The following DLC1 variants were observed in gnomAD, a reference collection of about 807,000 sequenced individuals.
The protein encoded by DLC1 is rho GTPase-activating protein 7.
A neutral mutation model predicts 140.3 loss-of-function variants in DLC1; 54 were observed. That is an observed-to-expected ratio of 0.38 (90% CI 0.31 to 0.48). DLC1 has a LOEUF of 0.48. Among genes scored for constraint, DLC1 ranks in the 20% least tolerant of loss-of-function variants. The pLI, the probability that DLC1 is intolerant of heterozygous loss-of-function variation, is 0.96. For missense variants in DLC1, 2,536 were observed against 1,907.0 expected, an observed-to-expected ratio of 1.33 and a Z score of -6.14; for synonymous variants, 986 against 728.1, an observed-to-expected ratio of 1.35 and a Z score of -5.70.
intron 2 of DLC1, among the ~76,000 whole-genome samples, chr8:13,418,756 C>T (rs1002348378): frequency 1.3e-5 from 2 of 152,076 alleles, no homozygotes; most frequent in African/African-American, 4.8e-5. Flanking sequence ...TGAAGAAAGT[C>T]ATTGGTAGCT....
intron 4 of DLC1, among the ~76,000 whole-genome samples, chr8:13,354,415 G>A (rs1231448598): frequency 6.6e-6 from 1 of 152,092 alleles, no homozygotes; most frequent in African/African-American, 2.4e-5. Context: ...GCCTAACAGT[G>A]TGTGTGTGGC....
At chr8:13,356,212 A>G (rs1834936368) in intron 4 of DLC1, among the ~76,000 whole-genome samples, 1 of 151,434 alleles carries the variant, frequency 6.6e-6, no homozygotes. Context: ...ACAGGAATTG[A>G]TAGCATTTGG....
chr8:13,407,993 T>C (rs949723034), intron 2 of DLC1, among the ~76,000 whole-genome samples: 2 of 117,442 alleles, frequency 1.7e-5, no homozygotes, highest in Admixed American at 9.7e-5. Flanking sequence ...ATTAAATCTC[T>C]TTTTTTAGAG....
chr8:13,477,294 T>G (rs1800477695), intron 2 of DLC1, among the ~76,000 whole-genome samples: 1 of 152,162 alleles, frequency 6.6e-6, no homozygotes, highest in African/African-American at 2.4e-5. Context: ...AGATGTAGCT[T>G]TGGTAATTTA....
chr8:13,458,676 ATACT>A (rs1799524304), intron 2 of DLC1, among the ~76,000 whole-genome samples: 1 of 152,214 alleles, frequency 6.6e-6, no homozygotes. Context: ...GTAGGTGAAA[ATACT>A]TCAAATAACC....
chr8:13,452,726 C>T (rs900706939), intron 2 of DLC1, among the ~76,000 whole-genome samples: 1 of 152,096 alleles, frequency 6.6e-6, no homozygotes, highest in Non-Finnish European at 1.5e-5. Context: ...CTGATTAATC[C>T]AAACCATGCT....
intron 2 of DLC1, among the ~76,000 whole-genome samples, chr8:13,402,579 C>T (rs1563318111): frequency 6.6e-6 from 1 of 152,226 alleles, no homozygotes; most frequent in Non-Finnish European, 1.5e-5. Flanking sequence ...TTGCCATCCT[C>T]TCCATCTGTC....
intron 2 of DLC1, among the ~76,000 whole-genome samples, chr8:13,443,183 A>G (rs1434292514): frequency 1.4e-5 from 2 of 143,238 alleles, no homozygotes; most frequent in African/African-American, 2.6e-5. Context: ...GAAGGGAAAC[A>G]TCAGACACTG....
chr8:13,125,629 G>T (rs983219820), intron 5 of DLC1, among the ~76,000 whole-genome samples: 4 of 152,096 alleles, frequency 2.6e-5, no homozygotes, highest in African/African-American at 9.7e-5. Context: ...CCCAGGTTAG[G>T]CCCTTCTTGC....
chr8:13,553,906 C>A (rs1031576992), intron 1 of DLC1, among the ~76,000 whole-genome samples: 1 of 152,026 alleles, frequency 6.6e-6, no homozygotes, highest in African/African-American at 2.4e-5. Flanking sequence ...AAATATTTTT[C>A]TTATGTCTCC....
intron 5 of DLC1, among the ~76,000 whole-genome samples, chr8:13,209,842 G>C (rs1827853136): frequency 6.6e-6 from 1 of 152,082 alleles, no homozygotes; most frequent in African/African-American, 2.4e-5. Flanking sequence ...CTGGTGTTAT[G>C]CTTTCTGTAC....
chr8:13,232,713 A>T (rs1258153721), intron 5 of DLC1, among the ~76,000 whole-genome samples: 3 of 152,218 alleles, frequency 2.0e-5, no homozygotes, highest in Non-Finnish European at 2.9e-5. Context: ...AGTGACATTA[A>T]TATTGCCTTG....
intron 1 of DLC1, among the ~76,000 whole-genome samples, chr8:13,599,627 G>A (rs974687963): frequency 1.3e-5 from 2 of 151,890 alleles, no homozygotes; most frequent in Non-Finnish European, 2.9e-5. Flanking sequence ...GAAGAAAATT[G>A]TAAAACAATG....
chr8:13,174,576 G>A (rs1028551802), intron 5 of DLC1, among the ~76,000 whole-genome samples: 1 of 152,092 alleles, frequency 6.6e-6, no homozygotes, highest in Non-Finnish European at 1.5e-5. Context: ...CTGTGAGATG[G>A]TATCTTCTTG....
chr8:13,089,410 A>G (rs1403615628), intron 15 of DLC1, among the ~76,000 whole-genome samples: 2 of 151,976 alleles, frequency 1.3e-5, no homozygotes, highest in Non-Finnish European at 2.9e-5. Flanking sequence ...GGCAGTCACA[A>G]GGTCAGGAGT....
At chr8:13,319,702 A>C (rs1833009906) in intron 4 of DLC1, among the ~76,000 whole-genome samples, 1 of 150,846 alleles carries the variant, frequency 6.6e-6, no homozygotes, top group Non-Finnish European at 1.5e-5. Flanking sequence ...AGCCAATTAA[A>C]CCTCTTTTCT....
At chr8:13,176,270 A>G (rs558543235) in intron 5 of DLC1, among the ~76,000 whole-genome samples, 98 of 152,258 alleles carry the variant, frequency 6.4e-4, no homozygotes, top group Middle Eastern at 3.4e-3. Flanking sequence ...AGGGATGAAA[A>G]CTGCCTTCTA....
At chr8:13,602,592 C>T (rs1189282854) in intron 1 of DLC1, among the ~76,000 whole-genome samples, 3 of 151,776 alleles carry the variant, frequency 2.0e-5, no homozygotes, top group African/African-American at 7.2e-5. Context: ...ACAAGAATGA[C>T]TCTATGTGTT....
intron 4 of DLC1, among the ~76,000 whole-genome samples, chr8:13,311,134 G>C (rs931000825): frequency 6.6e-6 from 1 of 152,088 alleles, no homozygotes; most frequent in Non-Finnish European, 1.5e-5. Context: ...CATTAGTACT[G>C]TATGTAGTAT....
Sources: gnomAD v4.1 joint callset for allele counts (sites outside exome capture counted in the v4.1 genomes callset) on GRCh38, gnomAD v4.1.1 for gene constraint, MANE v1.5 for transcripts, NCBI Gene and HGNC (gene_info 2026-07-23, HGNC 2026-07-21) for gene names.